The following DENND1A variants were observed in gnomAD, a reference collection of about 807,000 sequenced individuals.
DENND1A encodes DENN domain containing 1A.
Under a neutral mutation model 113.7 loss-of-function variants are expected in DENND1A, and 51 were observed. That is an observed-to-expected ratio of 0.45 (90% CI 0.36 to 0.57). The LOEUF is 0.57. DENND1A is among the 20% of genes least tolerant of loss of function. The probability of loss-of-function intolerance (pLI) is 0.00; values close to 1 mark genes in which losing one functional copy is unlikely to be tolerated. For missense variants in DENND1A, 1,258 were observed against 1,395.9 expected (o/e 0.90, Z 1.57); for synonymous variants, 565 against 570.8 (o/e 0.99, Z 0.14).
intron 13 of DENND1A, among the ~76,000 whole-genome samples, chr9:123,538,761 T>A (rs865947217): frequency 2.3e-4 from 27 of 116,920 alleles, no homozygotes; most frequent in African/African-American, 1.0e-3. Flanking sequence ...TGTGTGTGTG[T>A]GTGTGTGTGT....
intron 21 of DENND1A, among the ~76,000 whole-genome samples, chr9:123,398,989 T>A (rs1588326532): frequency 6.6e-6 from 1 of 151,184 alleles, no homozygotes; most frequent in African/African-American, 2.4e-5. Context: ...AGAGACGGGG[T>A]TTCGCCATGT....
intron 13 of DENND1A, among the ~76,000 whole-genome samples, chr9:123,535,807 C>T (rs12340252): frequency 0.067 from 10,250 of 152,240 alleles, 398 homozygotes; most frequent in Middle Eastern, 0.12. Context: ...ACTATCTGAA[C>T]TCATCTTCTT....
At chr9:123,509,976 C>A (rs1190489226) in intron 13 of DENND1A, among the ~76,000 whole-genome samples, 3 of 152,258 alleles carry the variant, frequency 2.0e-5, no homozygotes, top group Non-Finnish European at 4.4e-5. Context: ...GACAAGACAT[C>A]TCTGCCTCCT....
intron 2 of DENND1A, among the ~76,000 whole-genome samples, chr9:123,863,783 C>T (rs867199596): frequency 2.6e-5 from 4 of 152,316 alleles, no homozygotes; most frequent in African/African-American, 7.2e-5. Context: ...TTTCACCACA[C>T]ATATATTTTT....
intron 13 of DENND1A, among the ~76,000 whole-genome samples, chr9:123,519,176 T>C (rs1227881117): frequency 6.6e-6 from 1 of 152,212 alleles, no homozygotes; most frequent in East Asian, 1.9e-4. Context: ...CAAACTCTGC[T>C]CACCTCCTGT....
intron 19 of DENND1A, chr9:123,439,782 TC>T (rs1421391338): frequency 6.6e-6 from 1 of 152,144 alleles, no homozygotes; most frequent in Non-Finnish European, 1.5e-5. Flanking sequence ...AATTTTAGTT[TC>T]TATACAGAGT....
At position 123,382,022 on chromosome 9, in the gene DENND1A, G is replaced by A. The variant is rs779697484; in HGVS notation, c.2623C>T (p.Gln875Ter). 2 of 1,488,110 alleles carry A rather than the reference G, an allele frequency of 1.3e-6. No homozygotes were observed. Among genetic ancestry groups the A allele is most frequent in the East Asian group, 2.3e-5 (1 of 42,750 alleles). The allele number at this position is 1,488,110 out of a possible 1,614,324, so 92.2% of individuals were successfully genotyped here. The change falls in exon 24 of 24, where the codon CAA (glutamine) becomes TAA (stop). Residue 875 changes from glutamine to a stop codon, truncating the protein, a stop_gained. Coordinates refer to ENST00000394215, the MANE Select transcript of DENND1A (RefSeq NM_001352964.2). LOFTEE classifies it high-confidence loss of function. ...GTCCCTGCAGGGGGGAAGCTGAATT[G>A]GGGGGTGAATGGGGTGGCTACATTC... ...TPNVATPFTP[Q>*]FSFPPAGTPT...
intron 2 of DENND1A, among the ~76,000 whole-genome samples, chr9:123,852,995 T>G (rs1293411966): frequency 6.6e-6 from 1 of 152,056 alleles, no homozygotes; most frequent in Non-Finnish European, 1.5e-5. Flanking sequence ...CTTGGCTCAC[T>G]GCAACCTCCA....
intron 1 of DENND1A, among the ~76,000 whole-genome samples, chr9:123,899,759 C>T (rs1418598477): frequency 2.6e-5 from 4 of 152,140 alleles, no homozygotes; most frequent in Admixed American, 1.3e-4. Flanking sequence ...CAATGTGAAA[C>T]TTTTCCTATG....
intron 13 of DENND1A, among the ~76,000 whole-genome samples, chr9:123,466,669 G>A (rs2048977404): frequency 6.6e-6 from 1 of 152,166 alleles, no homozygotes; most frequent in Non-Finnish European, 1.5e-5. Flanking sequence ...AAGGAACCAT[G>A]GTTGTTTTAT....
At chr9:123,894,345 T>C (rs1345262057) in intron 1 of DENND1A, among the ~76,000 whole-genome samples, 1 of 152,234 alleles carries the variant, frequency 6.6e-6, no homozygotes, top group Non-Finnish European at 1.5e-5. Flanking sequence ...GGTATCTAAA[T>C]TTAACTCATT....
At chr9:123,848,900 C>T (rs1187242189) in intron 2 of DENND1A, among the ~76,000 whole-genome samples, 1 of 152,196 alleles carries the variant, frequency 6.6e-6, no homozygotes, top group Non-Finnish European at 1.5e-5. Flanking sequence ...CACATCAAGG[C>T]CCTGACTCTC....
intron 13 of DENND1A, among the ~76,000 whole-genome samples, chr9:123,550,689 C>T (rs967077010): frequency 6.6e-6 from 1 of 152,114 alleles, no homozygotes; most frequent in Non-Finnish European, 1.5e-5. Flanking sequence ...GTGTATTAGC[C>T]TTATTCAGAT....
At chr9:123,799,787 G>A (rs1469394690) in intron 2 of DENND1A, among the ~76,000 whole-genome samples, 1 of 152,162 alleles carries the variant, frequency 6.6e-6, no homozygotes, top group Non-Finnish European at 1.5e-5. Context: ...AACACCCTGT[G>A]TCTCCAAGTG....
chr9:123,624,754 C>T (rs1432063956), intron 10 of DENND1A, among the ~76,000 whole-genome samples: 1 of 152,180 alleles, frequency 6.6e-6, no homozygotes, highest in East Asian at 1.9e-4. Context: ...AACATCAATG[C>T]CCTTGGTCAG....
chr9:123,638,575 TTC>T (rs761367498), intron 9 of DENND1A, among the ~76,000 whole-genome samples: 1 of 152,152 alleles, frequency 6.6e-6, no homozygotes, highest in Non-Finnish European at 1.5e-5. Flanking sequence ...GTTCAAGTGA[TTC>T]TCCTGCCTCA....
rs541804520 is a variant in DENND1A, at chr9:123,512,242, T to C, written c.993+45328A>G. Among the ~76,000 whole-genome samples the C allele has an allele frequency of 3.3e-5, 5 of 152,308 alleles. No homozygotes were observed. The South Asian group carries it at 1.0e-3, about 32-fold the overall frequency. Reference sequence around the variant, plus strand: ...TCACTGTGGAGCCCTCTCCTCATAATAGGAGATATGAAGAGGCCGGGGAAT... The same window carrying C: ...TCACTGTGGAGCCCTCTCCTCATAACAGGAGATATGAAGAGGCCGGGGAAT... On this transcript the variant is annotated intron_variant, in intron 13 of 23. Coordinates refer to ENST00000394215, the MANE Select transcript of DENND1A (RefSeq NM_001352964.2).
chr9:123,612,890 C>A (rs1375373635), intron 10 of DENND1A, among the ~76,000 whole-genome samples: 2 of 152,228 alleles, frequency 1.3e-5, no homozygotes, highest in African/African-American at 4.8e-5. Context: ...GTACCTGGCA[C>A]AGCAGCAGCA....
chr9:123,450,823 C>T (rs1041983050), intron 17 of DENND1A, 74 bp from the exon 18 acceptor site: 64 of 1,204,924 alleles, frequency 5.3e-5, no homozygotes, highest in Middle Eastern at 2.1e-4. Context: ...TTCAGTCCAT[C>T]GAGAATCACC....
Sources: allele counts gnomAD v4.1 joint callset (sites outside exome capture counted in the v4.1 genomes callset), GRCh38; gene constraint gnomAD v4.1.1; transcripts MANE v1.5; gene names NCBI Gene and HGNC (gene_info 2026-07-23, HGNC 2026-07-21).